HLCS: variants seen among roughly 807,000 people sequenced by gnomAD.
The protein encoded by HLCS is biotin--protein ligase.
HLCS carries 53 observed loss-of-function variants against 75.0 expected under a neutral mutation model. That is an observed-to-expected ratio of 0.71 (90% CI 0.57 to 0.89). The LOEUF (loss-of-function observed/expected upper bound fraction) is 0.89, where lower values mean the gene tolerates loss of function less well. Ranked by LOEUF, HLCS falls within the 40% of genes least tolerant of loss-of-function variation. The pLI is 0.00. For synonymous variants in HLCS, 431 were observed against 428.6 expected, an observed-to-expected ratio of 1.01 and a Z score of -0.07; for missense variants, 966 against 1,074.0, an observed-to-expected ratio of 0.90 and a Z score of 1.41.
chr21:36,914,608 T>C (rs1360992510), intron 5 of HLCS, among the ~76,000 whole-genome samples: 5 of 152,186 alleles, frequency 3.3e-5, no homozygotes, highest in Non-Finnish European at 5.9e-5. Context: ...AGTGAATAAG[T>C]CATTTCTAAT....
At chr21:36,810,803 G>C (rs1358578684) in intron 6 of HLCS, among the ~76,000 whole-genome samples, 2 of 152,178 alleles carry the variant, frequency 1.3e-5, no homozygotes, top group African/African-American at 4.8e-5. Context: ...TCATTCCAGA[G>C]CTGGGTACAA....
chr21:36,983,480 G>A (rs1289185850), intron 1 of HLCS, among the ~76,000 whole-genome samples: 2 of 151,954 alleles, frequency 1.3e-5, no homozygotes, highest in African/African-American at 4.8e-5. Flanking sequence ...CAAAGTGCTA[G>A]GATTACAGGC....
intron 6 of HLCS, among the ~76,000 whole-genome samples, chr21:36,812,618 G>GT (rs2061545222): frequency 6.6e-6 from 1 of 151,986 alleles, no homozygotes; most frequent in South Asian, 2.1e-4. Flanking sequence ...AACAGACACT[G>GT]TACTCTTCAC....
In HLCS at chr21:36,966,505, G is replaced by C; in HGVS notation, c.134C>G (p.Pro45Arg). Residue 45 changes from proline (P) to arginine (R), a missense_variant, in exon 1 of 11, where the codon CCC becomes CGC. By Grantham distance (103) the Pro-to-Arg change is moderately radical. Coordinates refer to ENST00000674895, the MANE Select transcript of HLCS (RefSeq NM_001352514.2). ...SFTFCGAAAQ[P>R]PGARVCLSRG... The stretch of plus-strand genomic sequence containing the variant: ...GCTCAGGCACACGCGGGCGCCCGGG[G>C]GCTGCGCGGCCGCGCCGCAGAAGGT... 2.0e-6 allele frequency: 2 copies of C among 986,666 alleles called. No individual in the cohort carries two copies. The highest frequency in any genetic ancestry group is 9.3e-5 in the South Asian group (2 of 21,526). The allele number at this position is 986,666 out of a possible 1,614,324, so 61.1% of individuals were successfully genotyped here.
chr21:36,924,695 T>G (rs2146465898), intron 5 of HLCS, among the ~76,000 whole-genome samples: 1 of 152,300 alleles, frequency 6.6e-6, no homozygotes, highest in East Asian at 1.9e-4. Flanking sequence ...CCAAATGAGA[T>G]GGCGACACAG....
chr21:36,896,335 GCAAGAT>G (rs2065010380), intron 6 of HLCS, among the ~76,000 whole-genome samples: 1 of 152,204 alleles, frequency 6.6e-6, no homozygotes, highest in Admixed American at 6.5e-5. Flanking sequence ...GGGTGACAGA[GCAAGAT>G]CCTATCTCAA....
At position 36,765,163 on chromosome 21, in the gene HLCS, C is replaced by T. The variant is rs139216349; in HGVS notation, c.1970G>A (p.Gly657Glu). The T allele has an allele frequency of 7.4e-6, 12 of 1,614,072 alleles. No individual in the cohort carries two copies. In the South Asian group the frequency reaches 1.3e-4, roughly 18 times the overall value. Residue 657 changes from glycine (G) to glutamate (E), a missense_variant, in exon 8 of 11, where the codon GGG becomes GAG. Transcript: ENST00000674895. ...ARQTEGKGRG[G>E]NVWLSPVGCA... ...TCCCACAGGGCTCAGCCACACATTCCCTCCCCGTCCTGGAACACAGGCCAC... is the reference window on the plus strand; with the variant it reads ...TCCCACAGGGCTCAGCCACACATTCTCTCCCCGTCCTGGAACACAGGCCAC...
At chr21:36,950,569 A>T (rs952018402) in intron 2 of HLCS, among the ~76,000 whole-genome samples, 1 of 151,948 alleles carries the variant, frequency 6.6e-6, no homozygotes, top group African/African-American at 2.4e-5. Flanking sequence ...TCCTGGGCTC[A>T]AGCAATCCTC....
intron 2 of HLCS, chr21:36,947,537 A>C (rs1030031207): frequency 1.1e-5 from 11 of 985,348 alleles, no homozygotes; most frequent in Non-Finnish European, 1.3e-5. Flanking sequence ...GGAAAAGAGA[A>C]GGGAAGTCAA....
chr21:36,830,636 C>T (rs1045492539), intron 6 of HLCS, among the ~76,000 whole-genome samples: 1 of 151,806 alleles, frequency 6.6e-6, no homozygotes, highest in Non-Finnish European at 1.5e-5. Flanking sequence ...GGGTTCGAGA[C>T]CAGCCTGGGC....
At chr21:36,827,573 C>CAAA (rs111359900) in intron 6 of HLCS, among the ~76,000 whole-genome samples, 47 of 105,710 alleles carry the variant, frequency 4.4e-4, no homozygotes, top group African/African-American at 1.4e-3. Context: ...GACTCCATCT[C>CAAA]AAAAAAAAAA....
intron 6 of HLCS, among the ~76,000 whole-genome samples, chr21:36,846,705 T>C (rs2062811603): frequency 6.6e-6 from 1 of 152,164 alleles, no homozygotes. Context: ...AAAGAACTGT[T>C]TTTCCCTTAC....
intron 1 of HLCS, 24 bp downstream of exon 1, chr21:36,966,420 C>CGGCCG: frequency 4.5e-6 from 2 of 441,966 alleles, no homozygotes; most frequent in Non-Finnish European, 6.0e-6. Context: ...GGGCCCGGGT[C>CGGCCG]GCCCGCCCGC....
At chr21:36,829,200 G>A (rs561729751) in intron 6 of HLCS, among the ~76,000 whole-genome samples, 6 of 152,248 alleles carry the variant, frequency 3.9e-5, no homozygotes, top group African/African-American at 9.6e-5. Flanking sequence ...TCCAAATAGC[G>A]TACTTCACTG....
At chr21:36,890,604 A>G (rs1481154257) in intron 6 of HLCS, among the ~76,000 whole-genome samples, 1 of 152,118 alleles carries the variant, frequency 6.6e-6, no homozygotes, top group Non-Finnish European at 1.5e-5. Flanking sequence ...TGGGGGGTTC[A>G]TGCTCTAAGA....
chr21:36,782,217 C>T (rs1238901311), intron 6 of HLCS, among the ~76,000 whole-genome samples: 1 of 152,012 alleles, frequency 6.6e-6, no homozygotes. Flanking sequence ...TGAGCCCATC[C>T]TTTTTCCACT....
intron 9 of HLCS, among the ~76,000 whole-genome samples, chr21:36,758,683 A>G (rs1256784173): frequency 6.6e-6 from 1 of 152,116 alleles, no homozygotes; most frequent in Admixed American, 6.6e-5. Flanking sequence ...TTACTCACTT[A>G]AAGATAGGAA....
At chr21:36,989,061 G>C (rs1173562531) in intron 1 of HLCS, among the ~76,000 whole-genome samples, 1 of 149,596 alleles carries the variant, frequency 6.7e-6, no homozygotes, top group Non-Finnish European at 1.5e-5. Flanking sequence ...TTTTGAGACA[G>C]GGTCTCACTC....
intron 6 of HLCS, among the ~76,000 whole-genome samples, chr21:36,815,845 G>T (rs765321): frequency 0.31 from 47,682 of 152,014 alleles, 7,974 homozygotes; most frequent in African/African-American, 0.4. Flanking sequence ...ACCGGTTCCT[G>T]GATACCTTTG....
Sources: allele counts gnomAD v4.1 joint callset (sites outside exome capture counted in the v4.1 genomes callset), GRCh38; gene constraint gnomAD v4.1.1; transcripts MANE v1.5; gene names NCBI Gene and HGNC (gene_info 2026-07-23, HGNC 2026-07-21).